FAM193B: variants seen among roughly 807,000 people sequenced by gnomAD.
The protein encoded by FAM193B is family with sequence similarity 193 member B.
A neutral mutation model predicts 70.7 loss-of-function variants in FAM193B; 27 were observed. That is an observed-to-expected ratio of 0.38 (90% CI 0.28 to 0.53). The LOEUF is 0.53. Ranked by LOEUF, FAM193B falls within the 20% of genes least tolerant of loss-of-function variation. The pLI, the probability that FAM193B is intolerant of heterozygous loss-of-function variation, is 0.81. For synonymous variants in FAM193B, 448 were observed against 436.0 expected, an observed-to-expected ratio of 1.03 and a Z score of -0.34; for missense variants, 1,022 against 1,072.5, an observed-to-expected ratio of 0.95 and a Z score of 0.66.
chr5:177,541,565 C>T (rs1481826441), intron 1 of FAM193B, among the ~76,000 whole-genome samples: 1 of 152,132 alleles, frequency 6.6e-6, no homozygotes, highest in Non-Finnish European at 1.5e-5. Flanking sequence ...ACTACAGGTG[C>T]CCGCCACCAC....
intron 5 of FAM193B, among the ~76,000 whole-genome samples, chr5:177,528,123 CT>C (rs1217945378): frequency 6.6e-6 from 1 of 152,198 alleles, no homozygotes; most frequent in African/African-American, 2.4e-5. Flanking sequence ...GAACATGGCA[CT>C]CCCCTTGCCC....
intron 1 of FAM193B, 48 bp from the exon 2 acceptor site, chr5:177,539,195 C>T (rs1764556557): frequency 6.7e-7 from 1 of 1,493,854 alleles, no homozygotes; most frequent in Non-Finnish European, 8.9e-7. Context: ...AAAGGCTCTC[C>T]TTCAAAATAA....
chr5:177,537,896 A>G lies in FAM193B; in HGVS notation c.665T>C (p.Leu222Pro), dbSNP rs541315948. The G allele has an allele frequency of 2.5e-6, 4 of 1,607,714 alleles. No individual in the cohort carries two copies. In the African/African-American group the frequency reaches 4.0e-5, roughly 16 times the overall value. The change falls in exon 3 of 9, where the codon CTT becomes CCT. Residue 222 changes from leucine to proline, a missense_variant. Transcript: ENST00000514747. ...ACCGGGGATGGTAGGAGGACTCCCA[A>G]GAGAGCTGCCTGGCATGGCCCCACT... ...HSSGAMPGSS[L>P]GSPPTIPGEA...
intron 1 of FAM193B, among the ~76,000 whole-genome samples, chr5:177,540,559 C>A (rs914861761): frequency 6.6e-6 from 1 of 152,172 alleles, no homozygotes; most frequent in South Asian, 2.1e-4. Context: ...CCATGCACGG[C>A]TGGGCTTGCT....
intron 1 of FAM193B, chr5:177,553,659 A>C (rs1766609220): frequency 1.6e-6 from 2 of 1,281,016 alleles, no homozygotes; most frequent in African/African-American, 1.5e-5. Flanking sequence ...GAAGAAGGGC[A>C]GGTTCTGCTG....
intron 1 of FAM193B, among the ~76,000 whole-genome samples, chr5:177,545,287 G>A (rs925877577): frequency 1.1e-4 from 17 of 152,054 alleles, no homozygotes; most frequent in African/African-American, 4.1e-4. Flanking sequence ...CAAGTGATCC[G>A]CCTGCCTCAG....
intron 1 of FAM193B, among the ~76,000 whole-genome samples, chr5:177,541,085 A>T (rs901796458): frequency 1.3e-5 from 2 of 152,188 alleles, no homozygotes; most frequent in African/African-American, 4.8e-5. Flanking sequence ...GAGAGACAGA[A>T]ATTTTACATG....
chr5:177,524,010 G>A lies in FAM193B; in HGVS notation c.2319C>T (p.Asp773=). 3.7e-6 allele frequency: 6 copies of A among 1,614,076 alleles called. 1 individual carries two copies. The South Asian group carries it at 5.5e-5, about 15-fold the overall frequency. ...TCTCATCCATCTCCACCCCGTCCAT[G>A]TCCTTGGGCAGGAACACATCGTCTA... ...SSLDDVFLPK[D]MDGVEMDETD... The change falls in exon 7 of 9, where the codon GAC becomes GAT. Residue 773 remains aspartate, a synonymous_variant. Coordinates refer to ENST00000514747, the MANE Select transcript of FAM193B (RefSeq NM_001190946.3).
intron 7 of FAM193B, chr5:177,522,915 A>ATG (rs1761987671): frequency 6.6e-6 from 1 of 152,492 alleles, no homozygotes; most frequent in South Asian, 2.0e-4. Context: ...GGGTTTCACC[A>ATG]TGTTGGCCAG....
intron 1 of FAM193B, chr5:177,551,984 C>A (rs1766313642): frequency 1.0e-5 from 10 of 975,398 alleles, no homozygotes; most frequent in Non-Finnish European, 1.2e-5. Context: ...CAGTTTGTTT[C>A]CCTTCTTTGG....
chr5:177,532,295 T>A lies in FAM193B; in HGVS notation c.1275+148A>T. 1 of 1,482,850 alleles carries A rather than the reference T, an allele frequency of 6.7e-7. No homozygotes were observed. The highest frequency in any genetic ancestry group is 8.9e-7 in the Non-Finnish European group (1 of 1,119,412). 91.9% of individuals were successfully genotyped at this position (1,482,850 alleles called of 1,614,324 possible). A position where few individuals can be genotyped will look rare whatever the true frequency, so the allele number is the denominator to read the frequency against. ...CTACCTCACAAATGTGCTGTGAGGA[T>A]CAAGCGAGCAGACGCAGGTGCAAGG... On this transcript the variant is annotated intron_variant, in intron 5 of 8. Coordinates refer to ENST00000514747, the MANE Select transcript of FAM193B (RefSeq NM_001190946.3). The surrounding 1 kb of genome is among the most constrained non-coding windows in gnomAD (Gnocchi z 4.9).
At position 177,524,331 on chromosome 5, in the gene FAM193B, C is replaced by T. The variant is rs377040553; in HGVS notation, c.2150G>A (p.Arg717Gln). 1.7e-5 allele frequency: 27 copies of T among 1,584,110 alleles called. No individual in the cohort carries two copies. In the Middle Eastern group the frequency reaches 6.7e-4, roughly 39 times the overall value. Reference protein sequence around the residue: ...KTEKEKGSSWRNWPGEAKARP... With the variant: ...KTEKEKGSSWQNWPGEAKARP... ...TGCCTTGGCCTCGCCTGGCCAGTTTCGCCAGGAGCTGCCCTTCTCCTTCTC... is the reference window on the plus strand; with the variant it reads ...TGCCTTGGCCTCGCCTGGCCAGTTTTGCCAGGAGCTGCCCTTCTCCTTCTC... Residue 717 changes from arginine (R) to glutamine (Q), a missense_variant, in exon 6 of 9, where the codon CGA (arginine) becomes CAA (glutamine). By Grantham distance (43) the Arg-to-Gln change is conservative (BLOSUM62 1). Coordinates refer to ENST00000514747, the MANE Select transcript of FAM193B (RefSeq NM_001190946.3).
Position 177,532,741 on chromosome 5 carries a change from C to T in FAM193B, c.1077-100G>A, listed in dbSNP as rs1170413785. ...GCCATCCTGACCGCCCTTCACTTGCCCCACTCCACAGAGGTCCCAGGTGGT... is the reference window on the plus strand; with the variant it reads ...GCCATCCTGACCGCCCTTCACTTGCTCCACTCCACAGAGGTCCCAGGTGGT... On this transcript the variant is annotated intron_variant, in intron 4 of 8. Transcript: ENST00000514747. This position sits in a 1 kb window ranked among gnomAD's most constrained non-coding sequence, Gnocchi z 4.9. 2 of 1,179,930 alleles carry T rather than the reference C, an allele frequency of 1.7e-6. No individual in the cohort carries two copies. Among genetic ancestry groups the T allele is most frequent in the Non-Finnish European group, 2.3e-6 (2 of 879,028 alleles). The allele number at this position is 1,179,930 out of a possible 1,614,324, so 73.1% of individuals were successfully genotyped here.
At chr5:177,540,661 G>C (rs335459) in intron 1 of FAM193B, among the ~76,000 whole-genome samples, 125,906 of 152,162 alleles carry the variant, frequency 0.83, 54,288 homozygotes, top group Non-Finnish European at 0.94. Flanking sequence ...AGTCTTCCCA[G>C]CTGATTGGCC....
At chr5:177,523,806 G>T in intron 7 of FAM193B, 151 bp downstream of exon 7, 1 of 807,792 alleles carries the variant, frequency 1.2e-6, no homozygotes, top group Non-Finnish European at 2.0e-6. Flanking sequence ...AGGCAGGCTG[G>T]TGGGAGAGGG....
At chr5:177,526,642 C>T (rs1224090168) in intron 5 of FAM193B, among the ~76,000 whole-genome samples, 4 of 152,192 alleles carry the variant, frequency 2.6e-5, no homozygotes, top group African/African-American at 4.8e-5. Context: ...TGCTCTGTAC[C>T]GTCAGCACTT....
At position 177,519,927 on chromosome 5, in the gene FAM193B, T is replaced by TCAGCCCTGGCCCTTAGGC. The variant is rs1404643459; in HGVS notation, c.*238_*255dup. The TCAGCCCTGGCCCTTAGGC allele has an allele frequency of 6.6e-6, 1 of 152,182 alleles. No homozygotes were observed. The highest frequency in any genetic ancestry group is 6.5e-5 in the Admixed American group (1 of 15,286). 9.4% of individuals were successfully genotyped at this position (152,182 alleles called of 1,614,324 possible). On this transcript the variant is annotated 3_prime_UTR_variant, in exon 9 of 9. Coordinates refer to ENST00000514747, the MANE Select transcript of FAM193B (RefSeq NM_001190946.3). Reference sequence around the variant, plus strand: ...GAGCAGTGTTGGGCCAGCAGTACCATCAGCCCTGGCCCTTAGGCCAGCCCA... The same window carrying TCAGCCCTGGCCCTTAGGC: ...GAGCAGTGTTGGGCCAGCAGTACCATCAGCCCTGGCCCTTAGGCCAGCCCTGGCCCTTAGGCCAGCCCA...
chr5:177,551,051 T>C (rs962645162), intron 1 of FAM193B, among the ~76,000 whole-genome samples: 2 of 151,810 alleles, frequency 1.3e-5, no homozygotes, highest in Non-Finnish European at 2.9e-5. Flanking sequence ...CCAATGCTGG[T>C]CTCAAACTTC....
chr5:177,537,939 A>G lies in FAM193B; in HGVS notation c.622T>C (p.Trp208Arg). 6.3e-7 allele frequency: 1 copy of G among 1,582,624 alleles called. No homozygotes were observed. The highest frequency in any genetic ancestry group is 8.6e-7 in the Non-Finnish European group (1 of 1,164,322). ...GCCCCACTGGAATGTGGGGAATTCC[A>G]GAGGCCCGAGAGCTTATGTGCCGAC... ...FLSAHKLSGL[W>R]NSPHSSGAMP... Residue 208 changes from tryptophan to arginine, a missense_variant, in exon 3 of 9, where the codon TGG becomes CGG. By Grantham distance (101) the Trp-to-Arg change is moderately radical (BLOSUM62 -3). Transcript: ENST00000514747.
Sources: gnomAD v4.1 joint callset for allele counts (sites outside exome capture counted in the v4.1 genomes callset) on GRCh38, gnomAD v4.1.1 for gene constraint, Gnocchi (gnomAD v3.1) non-coding constraint, MANE v1.5 for transcripts, NCBI Gene and HGNC (gene_info 2026-07-23, HGNC 2026-07-21) for gene names.